The following BTG3 variants were observed in gnomAD, a reference collection of about 807,000 sequenced individuals.
The protein encoded by BTG3 is protein BTG3.
A neutral mutation model predicts 25.8 loss-of-function variants in BTG3; 4 were observed. That is an observed-to-expected ratio of 0.16 (90% CI 0.08 to 0.36). The LOEUF is 0.36. Ranked by LOEUF, BTG3 falls within the 10% of genes least tolerant of loss-of-function variation. The pLI is 1.00. For synonymous variants in BTG3, 107 were observed against 99.9 expected, an observed-to-expected ratio of 1.07 and a Z score of -0.42; for missense variants, 201 against 304.9, an observed-to-expected ratio of 0.66 and a Z score of 2.54.
intron 3 of BTG3, among the ~76,000 whole-genome samples, chr21:17,599,682 G>C (rs937166489): frequency 1.3e-5 from 2 of 152,070 alleles, no homozygotes; most frequent in African/African-American, 4.8e-5. Flanking sequence ...GTTTCACCAT[G>C]CTGGCCAGGC....
At chr21:17,597,708 A>G (rs1187607486) in intron 4 of BTG3, among the ~76,000 whole-genome samples, 11 of 140,342 alleles carry the variant, frequency 7.8e-5, no homozygotes, top group Admixed American at 2.3e-4. Flanking sequence ...CCTAAAGTCT[A>G]GGAAGAATAA....
chr21:17,598,312 T>G (rs1388314664), intron 4 of BTG3, among the ~76,000 whole-genome samples: 1 of 152,110 alleles, frequency 6.6e-6, no homozygotes, highest in Non-Finnish European at 1.5e-5. Context: ...AAAAAATAAG[T>G]GGTAACTTTT....
chr21:17,602,636 A>T (rs1365286180), intron 3 of BTG3, among the ~76,000 whole-genome samples: 2 of 152,228 alleles, frequency 1.3e-5, no homozygotes, highest in African/African-American at 2.4e-5. Flanking sequence ...TGTGAAAAAA[A>T]TCACATCAGA....
At position 17,593,838 on chromosome 21, in the gene BTG3, A is replaced by G. The variant is rs1347203829; in HGVS notation, c.*255T>C. ...TCGTATCCAACAGAGTTGATGCACA[A>G]TATATAAATACTCAAGTCCAATATT... On this transcript the variant is annotated 3_prime_UTR_variant, in exon 5 of 5. Transcript: ENST00000348354. 2.2e-6 allele frequency: 1 copy of G among 445,314 alleles called. No homozygotes were observed. Among genetic ancestry groups the G allele is most frequent in the East Asian group, 4.1e-5 (1 of 24,194 alleles). 27.6% of individuals were successfully genotyped at this position (445,314 alleles called of 1,614,324 possible). A position where few individuals can be genotyped will look rare whatever the true frequency, so the allele number is the denominator to read the frequency against.
chr21:17,610,739 T>C (rs2061709542), intron 1 of BTG3, among the ~76,000 whole-genome samples: 1 of 152,246 alleles, frequency 6.6e-6, no homozygotes, highest in Non-Finnish European at 1.5e-5. Context: ...ATTAAAAACA[T>C]ACAGCCTCTG....
intron 3 of BTG3, among the ~76,000 whole-genome samples, chr21:17,603,733 G>C (rs1190876456): frequency 1.3e-5 from 2 of 152,142 alleles, no homozygotes; most frequent in African/African-American, 4.8e-5. Flanking sequence ...CTGCTAGTTA[G>C]AACATCCTTC....
rs1018641058 is a variant in BTG3 at position 17,608,912 on chromosome 21, CG to C, written c.173+59del. 1.7e-5 allele frequency: 25 copies of C among 1,512,456 alleles called. No homozygotes were observed. In the African/African-American group the frequency reaches 3.2e-4, roughly 19 times the overall value. The allele number at this position is 1,512,456 out of a possible 1,614,324, so 93.7% of individuals were successfully genotyped here. ...ATGGTCTGCACACCCTTCAATCATC[CG>C]GCCTTGAACCCACCTCAGGGGTTGA... On this transcript the variant is annotated intron_variant, in intron 2 of 4. Coordinates refer to ENST00000348354, the MANE Select transcript of BTG3 (RefSeq NM_006806.5).
chr21:17,596,257 T>C (rs924555464), intron 4 of BTG3, among the ~76,000 whole-genome samples: 60 of 152,168 alleles, frequency 3.9e-4, no homozygotes, highest in African/African-American at 1.3e-3. Flanking sequence ...TTCTTAATGG[T>C]TTCTTTGATG....
chr21:17,605,076 A>G (rs1206242578), intron 2 of BTG3, 79 bp from the exon 3 acceptor site: 20 of 1,471,130 alleles, frequency 1.4e-5, no homozygotes, highest in Non-Finnish European at 1.7e-5. Flanking sequence ...ATACTTGCCA[A>G]GGTGAGTAAT....
At chr21:17,598,887 TA>T (rs1424846851) in intron 3 of BTG3, 63 bp from the exon 4 acceptor site, 29 of 1,353,514 alleles carry the variant, frequency 2.1e-5, no homozygotes, top group Non-Finnish European at 2.8e-5. Flanking sequence ...AAAATGTCCA[TA>T]AAAACAAAGA....
chr21:17,598,532 C>A, intron 4 of BTG3, 85 bp downstream of exon 4: 1 of 1,149,824 alleles, frequency 8.7e-7, no homozygotes, highest in Non-Finnish European at 1.2e-6. Context: ...AAGTCAGAAA[C>A]CTTGGGCAAT....
rs545056841 is a variant in BTG3 at position 17,601,033 on chromosome 21, T to G, written c.312-2209A>C. Among the ~76,000 whole-genome samples, 16 of 152,024 alleles carry G rather than the reference T, an allele frequency of 1.1e-4. No individual in the cohort carries two copies. The South Asian group carries it at 2.5e-3, about 24-fold the overall frequency. ...AAAAAATTAGCCGGGCATGGTGGTG[T>G]GCGCCTGTAATCCCAGCTACTCGGG... On this transcript the variant is annotated intron_variant, in intron 3 of 4. Coordinates refer to ENST00000348354, the MANE Select transcript of BTG3 (RefSeq NM_006806.5).
chr21:17,596,795 A>G (rs1433103740), intron 4 of BTG3, among the ~76,000 whole-genome samples: 1 of 152,106 alleles, frequency 6.6e-6, no homozygotes, highest in Non-Finnish European at 1.5e-5. Flanking sequence ...ATGTTCATTG[A>G]TACTGAATTG....
At chr21:17,602,673 A>G (rs1355247526) in intron 3 of BTG3, among the ~76,000 whole-genome samples, 1 of 152,186 alleles carries the variant, frequency 6.6e-6, no homozygotes, top group East Asian at 1.9e-4. Flanking sequence ...TTTACATATA[A>G]ATTAGAAGCC....
intron 1 of BTG3, chr21:17,612,301 C>T (rs1466184629): frequency 6.6e-6 from 1 of 152,204 alleles, no homozygotes; most frequent in African/African-American, 2.4e-5. Context: ...CCCGGCTTCC[C>T]GGAGGCGCGA....
chr21:17,606,750 T>C (rs2061648335), intron 2 of BTG3, among the ~76,000 whole-genome samples: 1 of 152,192 alleles, frequency 6.6e-6, no homozygotes. Flanking sequence ...AAAAGTTGCA[T>C]AAAAATATTC....
At chr21:17,606,027 T>C (rs1333674219) in intron 2 of BTG3, among the ~76,000 whole-genome samples, 1 of 152,182 alleles carries the variant, frequency 6.6e-6, no homozygotes, top group African/African-American at 2.4e-5. Context: ...TATTAGTTGG[T>C]TTTAATTTCT....
In BTG3 at chr21:17,605,004, C is replaced by T. The variant is rs1381378770; in HGVS notation, c.174-7G>A. The T allele has an allele frequency of 1.2e-6, 2 of 1,612,846 alleles. No homozygotes were observed. Among genetic ancestry groups the T allele is most frequent in the Admixed American group, 1.7e-5 (1 of 59,770 alleles). On this transcript the variant is annotated splice_region_variant and splice_polypyrimidine_tract_variant and intron_variant, in intron 2 of 4. Coordinates refer to ENST00000348354, the MANE Select transcript of BTG3 (RefSeq NM_006806.5). The stretch of plus-strand genomic sequence containing the variant: ...TTTATTGACACGAATACATCTACAA[C>T]AAAGTGGAGTTACGTTAATGGATTT...
In BTG3 at chr21:17,604,990, G is replaced by A. The variant is rs1217099989; in HGVS notation, c.181C>T (p.Arg61Cys). 2 of 1,613,616 alleles carry A rather than the reference G, an allele frequency of 1.2e-6. No homozygotes were observed. Among genetic ancestry groups the A allele is most frequent in the Non-Finnish European group, 1.7e-6 (2 of 1,179,838 alleles). Reference sequence around the variant, plus strand: ...TCAACTCTCTGAAATTTATTGACACGAATACATCTACAACAAAGTGGAGTT... The same window carrying A: ...TCAACTCTCTGAAATTTATTGACACAAATACATCTACAACAAAGTGGAGTT... ...PSKGQAYRCI[R>C]VNKFQRVDPD... Residue 61 changes from arginine (R) to cysteine (C), a missense_variant, in exon 3 of 5, where the codon CGT becomes TGT. Coordinates refer to ENST00000348354, the MANE Select transcript of BTG3 (RefSeq NM_006806.5).
Sources: gnomAD v4.1 joint callset for allele counts (sites outside exome capture counted in the v4.1 genomes callset) on GRCh38, gnomAD v4.1.1 for gene constraint, MANE v1.5 for transcripts, NCBI Gene and HGNC (gene_info 2026-07-23, HGNC 2026-07-21) for gene names.